The following CELF2 variants were observed in gnomAD, a reference collection of about 807,000 sequenced individuals.
CELF2 encodes the protein CUG triplet repeat RNA-binding protein 2.
CELF2 carries 8 observed loss-of-function variants against 62.6 expected under a neutral mutation model. The observed-to-expected ratio is 0.13, with a 90% CI of 0.07 to 0.23. The LOEUF is 0.23. CELF2 is among the 10% of genes least tolerant of loss of function. The pLI, the probability that CELF2 is intolerant of heterozygous loss-of-function variation, is 1.00. For synonymous variants in CELF2, 258 were observed against 250.0 expected, an observed-to-expected ratio of 1.03 and a Z score of -0.30; for missense variants, 333 against 671.0, an observed-to-expected ratio of 0.50 and a Z score of 5.56.
the CELF2 span, among the ~76,000 whole-genome samples, chr10:10,637,402 C>T: frequency 1.3e-5 from 2 of 152,192 alleles, no homozygotes; most frequent in African/African-American, 4.8e-5. Context: ...CTGCACTATA[C>T]TGTCTTCCTT....
the CELF2 span, among the ~76,000 whole-genome samples, chr10:10,714,977 G>C: frequency 6.6e-6 from 1 of 152,092 alleles, no homozygotes; most frequent in East Asian, 1.9e-4. Flanking sequence ...TTATTAAAGA[G>C]TTCTCCTGTG....
At chr10:11,081,438 G>A (rs536659432) in intron 1 of CELF2, among the ~76,000 whole-genome samples, 1 of 152,286 alleles carries the variant, frequency 6.6e-6, no homozygotes, top group South Asian at 2.1e-4. Context: ...TTGAAAAACT[G>A]ACTAAACAAA....
intron 2 of CELF2, among the ~76,000 whole-genome samples, chr10:11,169,540 G>GA (rs886195045): frequency 7.3e-6 from 1 of 137,884 alleles, no homozygotes; most frequent in African/African-American, 2.8e-5. Flanking sequence ...CAGTTCAGAG[G>GA]AAATGGGAAA....
At chr10:10,788,706 GC>G in the CELF2 span, among the ~76,000 whole-genome samples, 562 of 152,090 alleles carry the variant, frequency 3.7e-3, no homozygotes, top group Middle Eastern at 6.8e-3. Flanking sequence ...CAGGTGATCT[GC>G]CCGCCTTAAC....
At chr10:10,697,171 G>A in the CELF2 span, among the ~76,000 whole-genome samples, 1 of 152,104 alleles carries the variant, frequency 6.6e-6, no homozygotes, top group African/African-American at 2.4e-5. Context: ...CTGAGTTTGG[G>A]GTATGTTGAG....
chr10:11,194,253 A>G (rs1320375184), intron 2 of CELF2, among the ~76,000 whole-genome samples: 3 of 151,652 alleles, frequency 2.0e-5, no homozygotes, highest in Non-Finnish European at 4.4e-5. Context: ...TTTAGTAGAG[A>G]CGGGGTTTCA....
intron 2 of CELF2, among the ~76,000 whole-genome samples, chr10:10,984,273 C>G (rs947161725): frequency 2.6e-5 from 4 of 152,156 alleles, no homozygotes; most frequent in Non-Finnish European, 5.9e-5. Flanking sequence ...TACTTCACAT[C>G]CCATCATAAA....
the CELF2 span, among the ~76,000 whole-genome samples, chr10:10,583,960 G>C: frequency 2.6e-5 from 4 of 152,128 alleles, no homozygotes; most frequent in Non-Finnish European, 2.9e-5. Context: ...AAGGATCCAA[G>C]CGGCAAATGA....
At chr10:10,612,176 G>A in the CELF2 span, among the ~76,000 whole-genome samples, 2 of 152,002 alleles carry the variant, frequency 1.3e-5, no homozygotes, top group South Asian at 2.1e-4. Context: ...CTGGGTGGGG[G>A]AACTATGAAA....
At chr10:10,676,718 T>C in the CELF2 span, among the ~76,000 whole-genome samples, 1 of 152,160 alleles carries the variant, frequency 6.6e-6, no homozygotes, top group Non-Finnish European at 1.5e-5. Flanking sequence ...TGTGTCTGCC[T>C]ATGATGTGTT....
At chr10:10,692,067 A>G in the CELF2 span, among the ~76,000 whole-genome samples, 2 of 150,526 alleles carry the variant, frequency 1.3e-5, no homozygotes, top group Non-Finnish European at 1.5e-5. Context: ...GGTGTTTTAG[A>G]CATGAAGTCC....
the CELF2 span, among the ~76,000 whole-genome samples, chr10:10,744,551 C>A: frequency 6.6e-6 from 1 of 152,226 alleles, no homozygotes; most frequent in Admixed American, 6.5e-5. Context: ...AGTACACAAA[C>A]CTGATCCCAT....
chr10:11,288,811 T>C (rs2091964923), intron 9 of CELF2, among the ~76,000 whole-genome samples: 1 of 152,270 alleles, frequency 6.6e-6, no homozygotes, highest in Non-Finnish European at 1.5e-5. Context: ...ACATTCACTC[T>C]GTTTTAAACA....
the CELF2 span, among the ~76,000 whole-genome samples, chr10:10,635,035 G>C: frequency 2.0e-5 from 3 of 152,092 alleles, no homozygotes; most frequent in Admixed American, 6.6e-5. Flanking sequence ...GACAAAGGGT[G>C]GCAAACCAGC....
At chr10:11,190,686 C>G (rs1460970661) in intron 2 of CELF2, among the ~76,000 whole-genome samples, 1 of 147,116 alleles carries the variant, frequency 6.8e-6, no homozygotes, top group South Asian at 2.1e-4. Context: ...CCTCGAAAAT[C>G]TCCCTGAAAT....
In CELF2 at chr10:11,244,004, C is replaced by T. The variant is rs147668235; in HGVS notation, c.355-5149C>T. Among the ~76,000 whole-genome samples, 733 of 152,310 alleles carry T rather than the reference C, an allele frequency of 4.8e-3. 2 individuals are homozygous for T. The highest frequency in any genetic ancestry group is 0.01 in the Middle Eastern group (3 of 294). On this transcript the variant is annotated intron_variant, in intron 3 of 12. Coordinates refer to ENST00000633077, the MANE Select transcript of CELF2 (RefSeq NM_001326342.2). The surrounding 1 kb of genome is among the most constrained non-coding windows in gnomAD (Gnocchi z 4.2). ...ATTAGCGACCACCACATCACCTGGG[C>T]CCTCCCCCGTCTCCTGCTGTCTACT...
At chr10:10,865,088 A>T (rs1055449303) in intron 1 of CELF2, among the ~76,000 whole-genome samples, 11 of 151,950 alleles carry the variant, frequency 7.2e-5, no homozygotes, top group African/African-American at 2.4e-4. Flanking sequence ...AATGAGGAAA[A>T]TTTTTTTTCC....
chr10:10,563,204 C>G, the CELF2 span, among the ~76,000 whole-genome samples: 1 of 152,196 alleles, frequency 6.6e-6, no homozygotes, highest in Non-Finnish European at 1.5e-5. Flanking sequence ...TCTGTCTCTA[C>G]TGACGCTGCT....
the CELF2 span, among the ~76,000 whole-genome samples, chr10:10,485,428 C>T: frequency 1.3e-5 from 2 of 152,156 alleles, no homozygotes; most frequent in Non-Finnish European, 2.9e-5. Flanking sequence ...AACTTTTAAG[C>T]CCAGGATATT....
Sources: allele counts gnomAD v4.1 joint callset (sites outside exome capture counted in the v4.1 genomes callset), GRCh38; gene constraint gnomAD v4.1.1; non-coding constraint Gnocchi (gnomAD v3.1); transcripts MANE v1.5; gene names NCBI Gene and HGNC (gene_info 2026-07-23, HGNC 2026-07-21).